Variants in CYP2S1 observed in about 807,000 individuals in gnomAD.
CYP2S1 encodes the protein cytochrome P450 2S1.
Under a neutral mutation model 43.5 loss-of-function variants are expected in CYP2S1, and 32 were observed. That is an observed-to-expected ratio of 0.74 (90% CI 0.56 to 0.99). CYP2S1 has a LOEUF of 0.99. Among genes scored for constraint, CYP2S1 ranks in the 50% least tolerant of loss-of-function variants. The pLI, the probability that CYP2S1 is intolerant of heterozygous loss-of-function variation, is 0.00. For synonymous variants in CYP2S1, 283 were observed against 302.9 expected (o/e 0.93, Z 0.68); for missense variants, 575 against 673.9 (o/e 0.85, Z 1.62).
At chr19:41,193,948 CAGGATGGG>C (rs1419509009) in intron 1 of CYP2S1, 2 of 155,208 alleles carry the variant, frequency 1.3e-5, no homozygotes, top group African/African-American at 4.8e-5. Context: ...GCAGAGAATG[CAGGATGGG>C]AGGATGGGTG....
chr19:41,201,369 CAA>C lies in CYP2S1; in HGVS notation c.975_976del (p.Lys326ValfsTer4). On this transcript the variant is annotated frameshift_variant and splice_region_variant, in exon 6 of 9. Transcript: ENST00000310054. LOFTEE classifies it high-confidence loss of function. ...GCTCCTGATGAAATACCCTCATGTC[CAA>C]AGTAAGAGCCTTTTCCACTTGCCAG... ...LLLLMKYPHVQKWVREELNRE... is the reference protein window; with the variant it reads ...LLLLMKYPHVXKWVREELNRE... 1 of 1,613,558 alleles carries C rather than the reference CAA, an allele frequency of 6.2e-7. No homozygotes were observed. The highest frequency in any genetic ancestry group is 8.5e-7 in the Non-Finnish European group (1 of 1,179,782).
chr19:41,199,268 T>C (rs1024550636), intron 5 of CYP2S1, among the ~76,000 whole-genome samples: 2 of 152,178 alleles, frequency 1.3e-5, no homozygotes, highest in Non-Finnish European at 2.9e-5. Context: ...TTTATGTAAA[T>C]TCACAATTTT....
chr19:41,194,555 G>A lies in CYP2S1; in HGVS notation c.189G>A (p.Lys63=). 6.3e-7 allele frequency: 1 copy of A among 1,595,498 alleles called. No individual in the cohort carries two copies. ...CTCCCTACCCCCAGCTGAGTAAGAA[G>A]TACGGACCGGTGTTCACCATCTACC... The part of the protein sequence containing the change: ...LYSGLMRLSK[K]YGPVFTIYLG... The change falls in exon 2 of 9, where the codon AAG becomes AAA. Residue 63 remains lysine (K), a synonymous_variant. Coordinates refer to ENST00000310054, the MANE Select transcript of CYP2S1 (RefSeq NM_030622.8).
At chr19:41,194,495 G>A in intron 1 of CYP2S1, 49 bp from the exon 2 acceptor site, 1 of 1,505,276 alleles carries the variant, frequency 6.6e-7, no homozygotes, top group Non-Finnish European at 8.8e-7. Flanking sequence ...GAGACACCTT[G>A]GATCGAAGAG....
chr19:41,193,916 G>T (rs1295230739), intron 1 of CYP2S1: 1 of 155,964 alleles, frequency 6.4e-6, no homozygotes, highest in Non-Finnish European at 1.4e-5. Context: ...CAGAGAGGGG[G>T]TCCCGCTGAA....
Position 41,206,542 on chromosome 19 carries a change from A to G in CYP2S1, c.*54A>G, listed in dbSNP as rs375475224. 1.3e-6 allele frequency: 2 copies of G among 1,598,156 alleles called. No individual in the cohort carries two copies. Among genetic ancestry groups the G allele is most frequent in the East Asian group, 2.2e-5 (1 of 44,822 alleles). On this transcript the variant is annotated 3_prime_UTR_variant, in exon 9 of 9. Coordinates refer to ENST00000310054, the MANE Select transcript of CYP2S1 (RefSeq NM_030622.8). ...CCAGGACGGTGCCTCCAGCCTCAAC[A>G]GTGGGCATGGACAGGGTTAATGTCT...
Position 41,198,884 on chromosome 19 carries a change from C to A in CYP2S1, c.830C>A (p.Ala277Glu). The change falls in exon 5 of 9, where the codon GCA becomes GAA. Residue 277 changes from alanine to glutamate, a missense_variant. Around this residue, in one of 2 missense-constraint regions of CYP2S1, gnomAD observed 353 missense variants for 367.6 expected, o/e 0.96. Coordinates refer to ENST00000310054, the MANE Select transcript of CYP2S1 (RefSeq NM_030622.8). This position sits in a 1 kb window ranked among gnomAD's most constrained non-coding sequence, Gnocchi z 4.9. ...DLVDAFLLKM[A>E]QEEQNPGTEF... ...GTCGATGCCTTCCTGCTGAAGATGG[C>A]ACAGGTGTGGGAAGGGTGCAGGGAC... 2 of 1,611,282 alleles carry A rather than the reference C, an allele frequency of 1.2e-6. No homozygotes were observed. The highest frequency in any genetic ancestry group is 1.7e-6 in the Non-Finnish European group (2 of 1,177,916).
In CYP2S1 at chr19:41,198,039, C is replaced by T. The variant is rs954101736; in HGVS notation, c.493+111C>T. ...GTCCTGGAATGGGCAGGAGGGGAAGCCTTGAACTCTAGGGCTGGCCTGGGG... is the reference window on the plus strand; with the variant it reads ...GTCCTGGAATGGGCAGGAGGGGAAGTCTTGAACTCTAGGGCTGGCCTGGGG... On this transcript the variant is annotated intron_variant, in intron 3 of 8. Coordinates refer to ENST00000310054, the MANE Select transcript of CYP2S1 (RefSeq NM_030622.8). The surrounding 1 kb of genome is among the most constrained non-coding windows in gnomAD (Gnocchi z 4.9). 3.0e-5 allele frequency: 42 copies of T among 1,422,216 alleles called. 1 individual carries two copies. The Admixed American group carries it at 7.4e-4, about 25-fold the overall frequency. The allele number at this position is 1,422,216 out of a possible 1,614,324, so 88.1% of individuals were successfully genotyped here. A position where few individuals can be genotyped will look rare whatever the true frequency, so the allele number is the denominator to read the frequency against.
rs953568134 is a variant in CYP2S1, at chr19:41,193,603, G to T, written c.177+162G>T. 7 of 1,308,548 alleles carry T rather than the reference G, an allele frequency of 5.3e-6. No individual in the cohort carries two copies. The African/African-American group carries it at 1.1e-4, about 20-fold the overall frequency. 81.1% of individuals were successfully genotyped at this position (1,308,548 alleles called of 1,614,324 possible). On this transcript the variant is annotated intron_variant, in intron 1 of 8. Transcript: ENST00000310054. ...TGTCCTGGGGTTGGGGGCAGGAGCA[G>T]GTTGTCCAGGGCTGAGAAGGGGAGA... is the stretch of plus-strand genomic sequence containing the variant.
chr19:41,206,580 C>T lies in CYP2S1; in HGVS notation c.*92C>T, dbSNP rs1340622276. The T allele has an allele frequency of 6.1e-6, 9 of 1,474,910 alleles. No homozygotes were observed. Among genetic ancestry groups the T allele is most frequent in the African/African-American group, 1.4e-5 (1 of 72,194 alleles). The allele number at this position is 1,474,910 out of a possible 1,614,324, so 91.4% of individuals were successfully genotyped here. A position where few individuals can be genotyped will look rare whatever the true frequency, so the allele number is the denominator to read the frequency against. ...AGGGTTAATGTCTCCAGAGTGTACA[C>T]TGCAGGCAGCCACATTTACACGCCT... On this transcript the variant is annotated 3_prime_UTR_variant, in exon 9 of 9. Coordinates refer to ENST00000310054, the MANE Select transcript of CYP2S1 (RefSeq NM_030622.8).
chr19:41,205,466 TCTTTCTTC>T (rs1356622061), intron 7 of CYP2S1, among the ~76,000 whole-genome samples: 2 of 150,808 alleles, frequency 1.3e-5, no homozygotes, highest in Admixed American at 6.7e-5. Flanking sequence ...TCTCTCTCTC[TCTTTCTTC>T]CTTTCTTCCT....
intron 2 of CYP2S1, among the ~76,000 whole-genome samples, chr19:41,196,451 G>T (rs1256481890): frequency 6.6e-6 from 1 of 152,146 alleles, no homozygotes; most frequent in Non-Finnish European, 1.5e-5. Context: ...TGCCTGAAGG[G>T]GATGAAACTG....
chr19:41,194,149 C>A, intron 1 of CYP2S1, among the ~76,000 whole-genome samples: 1 of 151,400 alleles, frequency 6.6e-6, no homozygotes, highest in Middle Eastern at 3.2e-3. Context: ...AGAGATGGGG[C>A]GGATACTCAG....
At chr19:41,194,900 G>C (rs2033392536) in intron 2 of CYP2S1, among the ~76,000 whole-genome samples, 191 bp downstream of exon 2, 5 of 152,108 alleles carry the variant, frequency 3.3e-5, no homozygotes, top group Admixed American at 3.3e-4. Flanking sequence ...TGGATCACTT[G>C]AGGTCAGGAG....
In CYP2S1 at chr19:41,198,861, C is replaced by T. The variant is rs750138347; in HGVS notation, c.807C>T (p.Val269=). The stretch of plus-strand genomic sequence containing the variant: ...CTTCGGGCCCCGCACGTGACCTTGT[C>T]GATGCCTTCCTGCTGAAGATGGCAC... ...LDASGPARDL[V]DAFLLKMAQE... is the part of the protein sequence containing the mutation. The change falls in exon 5 of 9, where the codon GTC becomes GTT. Residue 269 remains valine (V), a synonymous_variant. Transcript: ENST00000310054. The surrounding 1 kb of genome is among the most constrained non-coding windows in gnomAD (Gnocchi z 4.9). The T allele has an allele frequency of 2.2e-5, 35 of 1,613,404 alleles. No individual in the cohort carries two copies. Among genetic ancestry groups the T allele is most frequent in the Admixed American group, 1.5e-4 (9 of 59,974 alleles).
At chr19:41,202,072 C>T (rs1370056115) in intron 6 of CYP2S1, among the ~76,000 whole-genome samples, 2 of 152,134 alleles carry the variant, frequency 1.3e-5, no homozygotes, top group African/African-American at 4.8e-5. Context: ...CTGCAACCTC[C>T]GGCCTCCTGG....
Position 41,198,506 on chromosome 19 carries a change from A to G in CYP2S1, c.538A>G (p.Asn180Asp). 1.9e-6 allele frequency: 3 copies of G among 1,613,792 alleles called. No individual in the cohort carries two copies. The highest frequency in any genetic ancestry group is 2.5e-6 in the Non-Finnish European group (3 of 1,179,914). Reference sequence around the variant, plus strand: ...CCTGCTGCTGGCCCAGGCCACCTCCAACGTAGTCTGCTCCCTCCTCTTTGG... The same window carrying G: ...CCTGCTGCTGGCCCAGGCCACCTCCGACGTAGTCTGCTCCCTCCTCTTTGG... ...PSLLLAQATS[N>D]VVCSLLFGLR... The change falls in exon 4 of 9, where the codon AAC (asparagine) becomes GAC (aspartate). Residue 180 changes from asparagine to aspartate, a missense_variant. Around this residue, in one of 2 missense-constraint regions of CYP2S1, gnomAD observed 353 missense variants for 367.6 expected, o/e 0.96. Coordinates refer to ENST00000310054, the MANE Select transcript of CYP2S1 (RefSeq NM_030622.8). This position sits in a 1 kb window ranked among gnomAD's most constrained non-coding sequence, Gnocchi z 4.9.
rs1228962174 is a variant in CYP2S1 at position 41,206,300 on chromosome 19, G to C, written c.1327G>C (p.Glu443Gln). 37 of 1,614,010 alleles carry C rather than the reference G, an allele frequency of 2.3e-5. No homozygotes were observed. In the Admixed American group the frequency reaches 6.2e-4, roughly 27 times the overall value. ...FSLGKRVCLG[E>Q]GLAKAELFLF... is the part of the protein sequence containing the mutation. ...ACCAGGGAAGCGTGTCTGCCTTGGA[G>C]AGGGCCTGGCAAAAGCGGAGCTCTT... Residue 443 changes from glutamate to glutamine, a missense_variant, in exon 9 of 9, where the codon GAG becomes CAG. This residue lies in a region of CYP2S1 where 222 missense variants were observed against 306.3 expected (regional missense o/e 0.72). Coordinates refer to ENST00000310054, the MANE Select transcript of CYP2S1 (RefSeq NM_030622.8).
intron 6 of CYP2S1, among the ~76,000 whole-genome samples, chr19:41,201,815 G>A (rs186389637): frequency 6.6e-5 from 10 of 152,064 alleles, no homozygotes; most frequent in Admixed American, 2.0e-4. Flanking sequence ...CGAGGAGCCA[G>A]AAGAGGTTCA....
Sources: gnomAD v4.1 joint callset for allele counts (sites outside exome capture counted in the v4.1 genomes callset) on GRCh38, gnomAD v4.1.1 for gene constraint, gnomAD v4.1.1 regional missense constraint, Gnocchi (gnomAD v3.1) non-coding constraint, MANE v1.5 for transcripts, NCBI Gene and HGNC (gene_info 2026-07-23, HGNC 2026-07-21) for gene names.